Variants in BPIFB1 observed in about 807,000 individuals in gnomAD.
BPIFB1 encodes BPI fold-containing family B member 1.
BPIFB1 carries 34 observed loss-of-function variants against 55.1 expected under a neutral mutation model. The ratio of observed to expected loss-of-function variants is 0.62; its 90% CI spans 0.47 to 0.82. The LOEUF is 0.82. Ranked by LOEUF, BPIFB1 falls within the 40% of genes least tolerant of loss-of-function variation. The pLI is 0.00. For missense variants in BPIFB1, 532 were observed against 593.1 expected, an observed-to-expected ratio of 0.90 and a Z score of 1.07; for synonymous variants, 236 against 245.3, an observed-to-expected ratio of 0.96 and a Z score of 0.35.
At position 33,309,644 on chromosome 20, in the gene BPIFB1, AG is replaced by A; in HGVS notation, c.1396-63del. On this transcript the variant is annotated intron_variant, in intron 15 of 15. Transcript: ENST00000253354. The surrounding 1 kb of genome is among the most constrained non-coding windows in gnomAD (Gnocchi z 4.4). ...CAGTCACCTTATGGAGGACAAAACC[AG>A]CATAAACCACAAGGCAAAAGGTTAA... 6.6e-7 allele frequency: 1 copy of A among 1,521,032 alleles called. No homozygotes were observed. The highest frequency in any genetic ancestry group is 9.1e-7 in the Non-Finnish European group (1 of 1,096,000). 94.2% of individuals were successfully genotyped at this position (1,521,032 alleles called of 1,614,324 possible).
chr20:33,287,207 C>T (rs1980297246), intron 2 of BPIFB1, among the ~76,000 whole-genome samples: 1 of 152,244 alleles, frequency 6.6e-6, no homozygotes, highest in African/African-American at 2.4e-5. Context: ...ATGCTTTAGG[C>T]TCTCCTATAA....
In BPIFB1 at chr20:33,309,815, A is replaced by G. The variant is rs75481962; in HGVS notation, c.*48A>G. Reference sequence around the variant, plus strand: ...GGAAGGCTGGGTCCCAGCTGGGAGTATGGGTGTGAGCTCTATAGACCATCC... The same window carrying G: ...GGAAGGCTGGGTCCCAGCTGGGAGTGTGGGTGTGAGCTCTATAGACCATCC... On this transcript the variant is annotated 3_prime_UTR_variant, in exon 16 of 16. Transcript: ENST00000253354. The surrounding 1 kb of genome is among the most constrained non-coding windows in gnomAD (Gnocchi z 4.4). 22 of 1,535,710 alleles carry G rather than the reference A, an allele frequency of 1.4e-5. No homozygotes were observed. In the African/African-American group the frequency reaches 2.5e-4, roughly 17 times the overall value.
At chr20:33,287,473 ATT>A (rs1980305988) in intron 2 of BPIFB1, among the ~76,000 whole-genome samples, 2 of 152,230 alleles carry the variant, frequency 1.3e-5, no homozygotes, top group South Asian at 4.1e-4. Context: ...AGAATGAGGA[ATT>A]GGCTAAGAGG....
In BPIFB1 at chr20:33,289,982, G is replaced by A. The variant is rs748198057; in HGVS notation, c.355G>A (p.Gly119Arg). The A allele has an allele frequency of 6.2e-6, 10 of 1,614,000 alleles. No individual in the cohort carries two copies. The highest frequency in any genetic ancestry group is 8.5e-6 in the Non-Finnish European group (10 of 1,179,848). Residue 119 changes from glycine to arginine, a missense_variant, in exon 4 of 16, where the codon GGA (glycine) becomes AGA (arginine). Gly to Arg is a moderately radical substitution (Grantham distance 125). Coordinates refer to ENST00000253354, the MANE Select transcript of BPIFB1 (RefSeq NM_033197.3). ...LVKIPLDMVA[G>R]FNTPLVKTIV... ...CAAGATCCCCCTGGACATGGTGGCTGGATTCAACACGTGAGTGACCCCTCC... is the reference window on the plus strand; with the variant it reads ...CAAGATCCCCCTGGACATGGTGGCTAGATTCAACACGTGAGTGACCCCTCC...
At chr20:33,294,942 C>A (rs1980586971) in intron 6 of BPIFB1, among the ~76,000 whole-genome samples, 1 of 152,216 alleles carries the variant, frequency 6.6e-6, no homozygotes, top group Non-Finnish European at 1.5e-5. Flanking sequence ...AGGCCAGGCG[C>A]AGTGGCCCAC....
At chr20:33,290,144 T>A in intron 4 of BPIFB1, 152 bp downstream of exon 4, 1 of 653,234 alleles carries the variant, frequency 1.5e-6, no homozygotes, top group Non-Finnish European at 2.7e-6. Flanking sequence ...TGTACTTGCC[T>A]TGCTCAAAGA....
At chr20:33,304,463 T>C (rs533991959) in intron 12 of BPIFB1, among the ~76,000 whole-genome samples, 12 of 152,164 alleles carry the variant, frequency 7.9e-5, no homozygotes, top group Non-Finnish European at 1.5e-4. Flanking sequence ...GGCTGGGCTG[T>C]TTAATATAAA....
intron 15 of BPIFB1, among the ~76,000 whole-genome samples, chr20:33,308,970 TACAC>T (rs34245707): frequency 6.7e-6 from 1 of 149,300 alleles, no homozygotes; most frequent in East Asian, 2.0e-4. Flanking sequence ...CACATACACA[TACAC>T]ACACACACAC....
chr20:33,303,815 G>C (rs531262613), intron 11 of BPIFB1, 143 bp from the exon 12 acceptor site: 1 of 739,200 alleles, frequency 1.4e-6, no homozygotes, highest in East Asian at 2.5e-5. Flanking sequence ...GATGAGGCAG[G>C]TGAGGCCCAG....
In BPIFB1 at chr20:33,292,006, C is replaced by T. The variant is rs1980488500; in HGVS notation, c.597+18C>T. 2 of 1,611,978 alleles carry T rather than the reference C, an allele frequency of 1.2e-6. No homozygotes were observed. Among genetic ancestry groups the T allele is most frequent in the Non-Finnish European group, 8.5e-7 (1 of 1,178,086 alleles). Reference sequence around the variant, plus strand: ...AAAACCAGGTGAGTGGAATCAGGGCCTCTCTGGCCTGTGGGCATTGCGCCC... The same window carrying T: ...AAAACCAGGTGAGTGGAATCAGGGCTTCTCTGGCCTGTGGGCATTGCGCCC... On this transcript the variant is annotated intron_variant, in intron 6 of 15. Coordinates refer to ENST00000253354, the MANE Select transcript of BPIFB1 (RefSeq NM_033197.3).
chr20:33,286,333 A>C lies in BPIFB1; in HGVS notation c.115+145A>C, dbSNP rs1980265928. 7.1e-6 allele frequency: 5 copies of C among 702,140 alleles called. No individual in the cohort carries two copies. The East Asian group carries it at 1.4e-4, about 19-fold the overall frequency. 43.5% of individuals were successfully genotyped at this position (702,140 alleles called of 1,614,324 possible). Reference sequence around the variant, plus strand: ...TGGGTGAACATGAGTGGGAGGTTGTAAAGGTCTGGAGAGTCTGTGATCTCA... The same window carrying C: ...TGGGTGAACATGAGTGGGAGGTTGTCAAGGTCTGGAGAGTCTGTGATCTCA... On this transcript the variant is annotated intron_variant, in intron 2 of 15. Coordinates refer to ENST00000253354, the MANE Select transcript of BPIFB1 (RefSeq NM_033197.3).
chr20:33,287,759 G>T (rs988011927), intron 2 of BPIFB1, among the ~76,000 whole-genome samples: 1 of 152,170 alleles, frequency 6.6e-6, no homozygotes, highest in Non-Finnish European at 1.5e-5. Context: ...TAACTCACGG[G>T]GAAGCTGTCT....
At chr20:33,296,915 C>A (rs1980671767) in intron 6 of BPIFB1, among the ~76,000 whole-genome samples, 1 of 152,216 alleles carries the variant, frequency 6.6e-6, no homozygotes, top group Non-Finnish European at 1.5e-5. Context: ...TAAACAAATT[C>A]TCCATTTAAC....
chr20:33,294,093 A>G (rs1384800719), intron 6 of BPIFB1, among the ~76,000 whole-genome samples: 2 of 152,244 alleles, frequency 1.3e-5, no homozygotes, highest in African/African-American at 2.4e-5. Flanking sequence ...GTAAAGCTTA[A>G]GAGTAGCATG....
chr20:33,284,353 C>G (rs1980196040), intron 1 of BPIFB1, among the ~76,000 whole-genome samples: 1 of 152,164 alleles, frequency 6.6e-6, no homozygotes, highest in Non-Finnish European at 1.5e-5. Flanking sequence ...TTCAGCTTAG[C>G]AGGCTCAGAT....
chr20:33,299,722 C>G (rs1330049510), intron 7 of BPIFB1, among the ~76,000 whole-genome samples, 177 bp from the exon 8 acceptor site: 1 of 152,156 alleles, frequency 6.6e-6, no homozygotes, highest in Non-Finnish European at 1.5e-5. Context: ...TTAGTGGATG[C>G]TCGATAAATG....
intron 3 of BPIFB1, among the ~76,000 whole-genome samples, chr20:33,289,381 C>CAAAAAA: frequency 9.4e-6 from 1 of 105,842 alleles, no homozygotes; most frequent in East Asian, 2.9e-4. Context: ...GATTCTGTCT[C>CAAAAAA]AAAAAAAAAA....
intron 7 of BPIFB1, among the ~76,000 whole-genome samples, chr20:33,299,596 A>G (rs1980779666): frequency 6.6e-6 from 1 of 152,210 alleles, no homozygotes; most frequent in Non-Finnish European, 1.5e-5. Flanking sequence ...GGCTTTGAAC[A>G]GGTCATTTCC....
chr20:33,286,304 A>C, intron 2 of BPIFB1, 116 bp downstream of exon 2: 1 of 860,638 alleles, frequency 1.2e-6, no homozygotes, highest in South Asian at 1.6e-5. Context: ...GAGATCCCAG[A>C]ACGTGGGTGA....
Sources: gnomAD v4.1 joint callset for allele counts (sites outside exome capture counted in the v4.1 genomes callset) on GRCh38, gnomAD v4.1.1 for gene constraint, Gnocchi (gnomAD v3.1) non-coding constraint, MANE v1.5 for transcripts, NCBI Gene and HGNC (gene_info 2026-07-23, HGNC 2026-07-21) for gene names.